Variants in PDE1C observed in about 807,000 individuals in gnomAD.
PDE1C encodes the protein dual specificity calcium/calmodulin-dependent 3',5'-cyclic nucleotide phosphodiesterase 1C.
Under a neutral mutation model 93.1 loss-of-function variants are expected in PDE1C, and 62 were observed. The ratio of observed to expected loss-of-function variants is 0.67; its 90% CI spans 0.54 to 0.82. The LOEUF (loss-of-function observed/expected upper bound fraction) is 0.82, where lower values mean the gene tolerates loss of function less well. PDE1C is among the 40% of genes least tolerant of loss of function. The pLI is 0.00. For missense variants in PDE1C, 742 were observed against 884.6 expected, an observed-to-expected ratio of 0.84 and a Z score of 2.04; for synonymous variants, 325 against 310.1, an observed-to-expected ratio of 1.05 and a Z score of -0.50.
chr7:32,134,268 AAGACAAAAATGTAC>A (rs1800082951), intron 3 of PDE1C, among the ~76,000 whole-genome samples: 4 of 152,160 alleles, frequency 2.6e-5, no homozygotes, highest in Admixed American at 2.6e-4. Context: ...AATTTGGTGA[AAGACAAAAATGTAC>A]AGATTCAGGA....
intron 16 of PDE1C, among the ~76,000 whole-genome samples, chr7:31,778,756 A>T (rs1450957398): frequency 6.6e-6 from 1 of 152,110 alleles, no homozygotes; most frequent in Non-Finnish European, 1.5e-5. Flanking sequence ...TGAAATATAG[A>T]TTTGTTGTTG....
At chr7:32,369,262 T>C (rs773319301) in intron 1 of PDE1C, among the ~76,000 whole-genome samples, 7 of 152,208 alleles carry the variant, frequency 4.6e-5, no homozygotes, top group African/African-American at 7.2e-5. Flanking sequence ...AGGGGATTAA[T>C]ATCCAGAATA....
the PDE1C span, among the ~76,000 whole-genome samples, chr7:31,618,824 A>C: frequency 6.6e-6 from 1 of 152,214 alleles, no homozygotes; most frequent in Non-Finnish European, 1.5e-5. Context: ...CCATGCCCAA[A>C]TTATATGCCG....
chr7:31,966,723 A>G (rs1810035174), intron 2 of PDE1C, among the ~76,000 whole-genome samples: 1 of 152,238 alleles, frequency 6.6e-6, no homozygotes, highest in Non-Finnish European at 1.5e-5. Context: ...AGCACTCCTC[A>G]GCAAATGTGA....
chr7:32,163,722 G>A (rs1032912613), intron 3 of PDE1C, among the ~76,000 whole-genome samples: 1 of 152,150 alleles, frequency 6.6e-6, no homozygotes, highest in Non-Finnish European at 1.5e-5. Flanking sequence ...GCAATGCACT[G>A]AGTGGCTTCA....
chr7:31,650,008 T>C, the PDE1C span, among the ~76,000 whole-genome samples: 1 of 152,048 alleles, frequency 6.6e-6, no homozygotes, highest in African/African-American at 2.4e-5. Flanking sequence ...TCACAAAGAA[T>C]TGGTCCATGT....
chr7:31,711,953 C>A, the PDE1C span, among the ~76,000 whole-genome samples: 1 of 152,180 alleles, frequency 6.6e-6, no homozygotes, highest in Non-Finnish European at 1.5e-5. Flanking sequence ...TCCCTCCTAC[C>A]CATCTCCTAC....
At chr7:32,364,279 C>T (rs948071989) in intron 1 of PDE1C, among the ~76,000 whole-genome samples, 7 of 152,122 alleles carry the variant, frequency 4.6e-5, no homozygotes, top group Non-Finnish European at 8.8e-5. Flanking sequence ...TAGCAAAAGG[C>T]TGACTAGAGG....
intron 17 of PDE1C, among the ~76,000 whole-genome samples, chr7:31,760,247 A>G (rs1464392102): frequency 6.6e-6 from 1 of 152,218 alleles, no homozygotes; most frequent in East Asian, 1.9e-4. Flanking sequence ...ATTTGGCTAA[A>G]TAGCTCCTTT....
intron 2 of PDE1C, among the ~76,000 whole-genome samples, chr7:31,928,879 A>G (rs1383004620): frequency 6.6e-6 from 1 of 152,182 alleles, no homozygotes; most frequent in Non-Finnish European, 1.5e-5. Flanking sequence ...GCATCAACTA[A>G]TGTGCAAAAT....
intron 3 of PDE1C, among the ~76,000 whole-genome samples, chr7:32,095,822 C>A (rs964191727): frequency 6.6e-6 from 1 of 152,124 alleles, no homozygotes; most frequent in Admixed American, 6.5e-5. Context: ...CCAAACTAGA[C>A]CTAACTGAAC....
At chr7:31,866,844 T>G (rs1004174785) in intron 6 of PDE1C, among the ~76,000 whole-genome samples, 1 of 152,046 alleles carries the variant, frequency 6.6e-6, no homozygotes, top group Non-Finnish European at 1.5e-5. Context: ...ATTCCCACCT[T>G]GGACTCCTGT....
At chr7:31,686,135 G>A in the PDE1C span, among the ~76,000 whole-genome samples, 3 of 152,176 alleles carry the variant, frequency 2.0e-5, no homozygotes, top group Admixed American at 6.5e-5. Flanking sequence ...TGGTGCTCAC[G>A]TATCTTCTGT....
chr7:32,050,320 G>C (rs1793174746), intron 2 of PDE1C, among the ~76,000 whole-genome samples: 2 of 152,172 alleles, frequency 1.3e-5, no homozygotes, highest in Non-Finnish European at 2.9e-5. Flanking sequence ...TGGACCTTTA[G>C]AATCCCAACT....
intron 17 of PDE1C, among the ~76,000 whole-genome samples, chr7:31,774,555 A>G (rs1274672105): frequency 6.6e-6 from 1 of 152,240 alleles, no homozygotes; most frequent in African/African-American, 2.4e-5. Context: ...CCGTACTTAC[A>G]GACTCAGAAG....
At chr7:31,670,443 GTC>G in the PDE1C span, among the ~76,000 whole-genome samples, 1 of 152,126 alleles carries the variant, frequency 6.6e-6, no homozygotes, top group East Asian at 1.9e-4. Context: ...ATCTGCTCCT[GTC>G]TCAGTGCGAT....
intron 2 of PDE1C, among the ~76,000 whole-genome samples, chr7:31,997,803 G>A (rs1303527695): frequency 6.6e-6 from 1 of 152,100 alleles, no homozygotes; most frequent in Non-Finnish European, 1.5e-5. Context: ...CCATTTCTTT[G>A]TCTCAAAGAA....
intron 15 of PDE1C, among the ~76,000 whole-genome samples, chr7:31,811,498 A>C (rs1484068801): frequency 6.6e-6 from 1 of 152,122 alleles, no homozygotes; most frequent in Non-Finnish European, 1.5e-5. Flanking sequence ...GAAATCCTTC[A>C]GAGGTCCCAC....
chr7:31,846,931 C>A (rs1792702206), intron 9 of PDE1C, among the ~76,000 whole-genome samples: 1 of 152,112 alleles, frequency 6.6e-6, no homozygotes, highest in Admixed American at 6.6e-5. Flanking sequence ...TAATAAAAAT[C>A]AGCCTCTCAG....
Sources: gnomAD v4.1 joint callset for allele counts (sites outside exome capture counted in the v4.1 genomes callset) on GRCh38, gnomAD v4.1.1 for gene constraint, MANE v1.5 for transcripts, NCBI Gene and HGNC (gene_info 2026-07-23, HGNC 2026-07-21) for gene names.